VEPH1: variants seen among roughly 807,000 people sequenced by gnomAD.
The protein encoded by VEPH1 is ventricular zone expressed PH domain containing 1, also known as ventricular zone-expressed PH domain-containing protein homolog 1.
A neutral mutation model predicts 85.2 loss-of-function variants in VEPH1; 80 were observed. The observed-to-expected ratio is 0.94, with a 90% CI of 0.78 to 1.13. The LOEUF is 1.13. Ranked by LOEUF, VEPH1 falls within the 50% of genes most tolerant of loss-of-function variation. The pLI, the probability that VEPH1 is intolerant of heterozygous loss-of-function variation, is 0.00. For synonymous variants in VEPH1, 297 were observed against 348.0 expected (o/e 0.85, Z 1.63); for missense variants, 955 against 980.5 (o/e 0.97, Z 0.35).
chr3:157,264,687 T>C (rs1421881723), intron 13 of VEPH1, among the ~76,000 whole-genome samples: 4 of 152,218 alleles, frequency 2.6e-5, no homozygotes, highest in Non-Finnish European at 5.9e-5. Flanking sequence ...ATGGCAATAA[T>C]AGCAGTGGTG....
At chr3:157,274,191 A>G (rs770075531) in intron 12 of VEPH1, among the ~76,000 whole-genome samples, 2 of 152,230 alleles carry the variant, frequency 1.3e-5, no homozygotes. Context: ...AAGTGCCACA[A>G]CAGTTGACAG....
At chr3:157,313,358 A>G (rs1720352485) in intron 11 of VEPH1, among the ~76,000 whole-genome samples, 4 of 151,932 alleles carry the variant, frequency 2.6e-5, no homozygotes, top group Admixed American at 2.0e-4. Flanking sequence ...ATTTCATACT[A>G]TGCATGCAGT....
chr3:157,461,776 T>G (rs1014861971), intron 3 of VEPH1, among the ~76,000 whole-genome samples: 1 of 151,978 alleles, frequency 6.6e-6, no homozygotes, highest in Non-Finnish European at 1.5e-5. Flanking sequence ...AAAATCAATT[T>G]CAGATAGATT....
intron 6 of VEPH1, among the ~76,000 whole-genome samples, chr3:157,404,818 C>G (rs1731031689): frequency 6.6e-6 from 1 of 152,142 alleles, no homozygotes; most frequent in Admixed American, 6.6e-5. Context: ...TGATTTCAGT[C>G]TGAGGGCTAC....
chr3:157,493,310 A>C (rs1438021320), intron 2 of VEPH1: 5 of 456,120 alleles, frequency 1.1e-5, no homozygotes, highest in African/African-American at 4.0e-5. Context: ...AGAAATTGAG[A>C]AGTGGAATTG....
At chr3:157,400,128 CT>C (rs1730698421) in intron 6 of VEPH1, among the ~76,000 whole-genome samples, 1 of 152,058 alleles carries the variant, frequency 6.6e-6, no homozygotes, top group African/African-American at 2.4e-5. Flanking sequence ...GGAACACGCA[CT>C]TTTTGTGGGC....
At chr3:157,389,162 T>C (rs1030548456) in intron 6 of VEPH1, among the ~76,000 whole-genome samples, 1 of 152,202 alleles carries the variant, frequency 6.6e-6, no homozygotes, top group Non-Finnish European at 1.5e-5. Context: ...ATACTGTTGA[T>C]TCATTAAATT....
intron 4 of VEPH1, among the ~76,000 whole-genome samples, chr3:157,432,510 G>A (rs2316708): frequency 0.58 from 87,823 of 151,762 alleles, 25,852 homozygotes; most frequent in East Asian, 0.67. Context: ...TTAATTATAT[G>A]TTTTTCTTTG....
At chr3:157,372,645 C>T (rs1237422361) in intron 7 of VEPH1, among the ~76,000 whole-genome samples, 1 of 152,168 alleles carries the variant, frequency 6.6e-6, no homozygotes, top group East Asian at 1.9e-4. Flanking sequence ...AGCTCTCAGA[C>T]TTAGTCTGGG....
chr3:157,453,573 T>C (rs865807332), intron 4 of VEPH1, among the ~76,000 whole-genome samples: 1 of 152,098 alleles, frequency 6.6e-6, no homozygotes, highest in African/African-American at 2.4e-5. Flanking sequence ...ATGTATTTTA[T>C]AGAAGTAGAA....
intron 6 of VEPH1, among the ~76,000 whole-genome samples, chr3:157,408,417 G>T (rs1577585338): frequency 6.6e-6 from 1 of 152,150 alleles, no homozygotes; most frequent in South Asian, 2.1e-4. Context: ...AGAATAAGTA[G>T]ACAGACTTGA....
chr3:157,480,208 T>G (rs758761852), intron 2 of VEPH1, among the ~76,000 whole-genome samples: 2 of 152,088 alleles, frequency 1.3e-5, no homozygotes, highest in African/African-American at 2.4e-5. Flanking sequence ...TTTCTTTCAT[T>G]TCTTGTTGAG....
chr3:157,375,788 T>C (rs1728025260), intron 7 of VEPH1, among the ~76,000 whole-genome samples: 1 of 152,214 alleles, frequency 6.6e-6, no homozygotes, highest in Non-Finnish European at 1.5e-5. Context: ...TCATTATCCC[T>C]TTCTGTTTTC....
chr3:157,348,372 G>A (rs9817490), intron 9 of VEPH1, among the ~76,000 whole-genome samples: 8,960 of 152,080 alleles, frequency 0.059, 313 homozygotes, highest in South Asian at 0.11. Context: ...TCCCAACAAC[G>A]TGTAAGAGTA....
chr3:157,437,476 G>T lies in VEPH1; in HGVS notation c.530-8988C>A, dbSNP rs755610713. The T allele has an allele frequency of 2.5e-6, 4 of 1,575,634 alleles. No individual in the cohort carries two copies. In the East Asian group the frequency reaches 9.4e-5, roughly 37 times the overall value. On this transcript the variant is annotated intron_variant, in intron 4 of 13. Coordinates refer to ENST00000362010, the MANE Select transcript of VEPH1 (RefSeq NM_001167912.2). The stretch of plus-strand genomic sequence containing the variant: ...TACAAAGCACATCCAAGGCAGGCCT[G>T]GGCGGGCTGCTAACGTGTGTGTATC...
At chr3:157,402,458 AGAAG>A (rs1258694162) in intron 6 of VEPH1, among the ~76,000 whole-genome samples, 1 of 152,226 alleles carries the variant, frequency 6.6e-6, no homozygotes, top group African/African-American at 2.4e-5. Context: ...AGAAGGCAGC[AGAAG>A]GAAGAGCTGG....
chr3:157,374,284 T>C (rs1026942441), intron 7 of VEPH1, among the ~76,000 whole-genome samples: 5 of 151,632 alleles, frequency 3.3e-5, no homozygotes, highest in African/African-American at 1.2e-4. Flanking sequence ...AAAGAGATAC[T>C]CGTTTCCTAT....
intron 7 of VEPH1, among the ~76,000 whole-genome samples, chr3:157,369,869 G>A (rs1727290960): frequency 6.6e-6 from 1 of 152,182 alleles, no homozygotes; most frequent in South Asian, 2.1e-4. Flanking sequence ...CATCACAAAT[G>A]TGAAAGTGCT....
intron 4 of VEPH1, among the ~76,000 whole-genome samples, chr3:157,430,499 T>C (rs1388953471): frequency 6.6e-6 from 1 of 152,080 alleles, no homozygotes; most frequent in African/African-American, 2.4e-5. Context: ...TTGTCATTAT[T>C]ATTCATTGCC....
Sources: gnomAD v4.1 joint callset for allele counts (sites outside exome capture counted in the v4.1 genomes callset) on GRCh38, gnomAD v4.1.1 for gene constraint, MANE v1.5 for transcripts, NCBI Gene and HGNC (gene_info 2026-07-23, HGNC 2026-07-21) for gene names.